Variants in HSPA12A observed in about 807,000 individuals in gnomAD.
HSPA12A encodes heat shock 70 kDa protein 12A.
In HSPA12A, 28 loss-of-function variants were observed where a neutral mutation model predicts 69.2. The ratio of observed to expected loss-of-function variants is 0.40; its 90% CI spans 0.30 to 0.55. The LOEUF (loss-of-function observed/expected upper bound fraction) is 0.55. Ranked by LOEUF, HSPA12A falls within the 20% of genes least tolerant of loss-of-function variation. HSPA12A has a pLI of 0.38. For synonymous variants in HSPA12A, 345 were observed against 370.5 expected (o/e 0.93, Z 0.79); for missense variants, 686 against 900.7 (o/e 0.76, Z 3.05).
upstream of HSPA12A, among the ~76,000 whole-genome samples, chr10:116,745,889 T>G (rs1215610266): frequency 4.6e-5 from 7 of 152,156 alleles, no homozygotes; most frequent in East Asian, 1.4e-3. Flanking sequence ...ATGACCAAAC[T>G]GAGATACAGA....
chr10:116,753,965 C>T (rs115188050), intron 2 of HSPA12A, among the ~76,000 whole-genome samples: 2,347 of 152,314 alleles, frequency 0.015, 67 homozygotes, highest in African/African-American at 0.054. Context: ...ACTCAGCTAC[C>T]TCATTTCAGC....
At chr10:116,849,685 T>C (rs1845998422) in exon 1 of HSPA12A, 2 of 1,548,350 alleles carry the variant, frequency 1.3e-6, no homozygotes, top group Non-Finnish European at 8.7e-7. Context: ...GAAGAGCTGC[T>C]CAACTCCACC....
rs1159669465 is a variant in HSPA12A, at chr10:116,731,021, C to T, written c.40+11409G>A. 3.3e-5 allele frequency among the ~76,000 whole-genome samples: 5 copies of T among 152,322 alleles called. No individual in the cohort carries two copies. The East Asian group carries it at 9.7e-4, about 30-fold the overall frequency. On this transcript the variant is annotated intron_variant, in intron 1 of 11. Transcript: ENST00000369209. ...CGTGGGCCAGCTTCTCTGCGCAGCC[C>T]GTTCCCATGGTCTGTCCCAGGGTCC... is the stretch of plus-strand genomic sequence containing the variant.
At chr10:116,715,679 G>C (rs1850581418) in intron 1 of HSPA12A, among the ~76,000 whole-genome samples, 1 of 152,190 alleles carries the variant, frequency 6.6e-6, no homozygotes, top group Admixed American at 6.5e-5. Flanking sequence ...AAATAATTGT[G>C]ATTTGAATGT....
At chr10:116,697,601 G>C (rs1554881025) in intron 5 of HSPA12A, among the ~76,000 whole-genome samples, 1 of 152,192 alleles carries the variant, frequency 6.6e-6, no homozygotes, top group African/African-American at 2.4e-5. Flanking sequence ...CTCCAGTTAG[G>C]AAAGTGGATC....
At chr10:116,759,995 C>T (rs554756365) in intron 2 of HSPA12A, among the ~76,000 whole-genome samples, 1 of 152,282 alleles carries the variant, frequency 6.6e-6, no homozygotes, top group South Asian at 2.1e-4. Flanking sequence ...ACTATGAACC[C>T]ATTAAACCTC....
At chr10:116,801,562 A>G (rs1450616772) in intron 2 of HSPA12A, among the ~76,000 whole-genome samples, 17 of 152,164 alleles carry the variant, frequency 1.1e-4, no homozygotes, top group Admixed American at 1.1e-3. Context: ...CTTGCACTGG[A>G]TCTAAATTCA....
intron 2 of HSPA12A, among the ~76,000 whole-genome samples, chr10:116,818,635 T>C (rs1845352509): frequency 6.6e-6 from 1 of 152,132 alleles, no homozygotes; most frequent in African/African-American, 2.4e-5. Flanking sequence ...CATCTCCATG[T>C]GCTGTCCCCA....
chr10:116,802,898 CTG>C (rs1844988643), intron 2 of HSPA12A, among the ~76,000 whole-genome samples: 1 of 152,250 alleles, frequency 6.6e-6, no homozygotes, highest in Admixed American at 6.5e-5. Flanking sequence ...TCAGCCAGAT[CTG>C]TGTCTCTTCT....
intron 2 of HSPA12A, among the ~76,000 whole-genome samples, chr10:116,826,169 G>T (rs934366993): frequency 2.6e-5 from 4 of 152,014 alleles, no homozygotes; most frequent in Non-Finnish European, 5.9e-5. Context: ...TCCCAGGGAA[G>T]CCTCCCCCGC....
chr10:116,845,097 G>A (rs1845858207), intron 1 of HSPA12A, among the ~76,000 whole-genome samples: 2 of 152,118 alleles, frequency 1.3e-5, no homozygotes, highest in Non-Finnish European at 2.9e-5. Context: ...CAGGAAGCCC[G>A]TGGACTCTGT....
At chr10:116,746,156 C>T (rs1277427527), upstream of HSPA12A, among the ~76,000 whole-genome samples, 1 of 152,186 alleles carries the variant, frequency 6.6e-6, no homozygotes, top group African/African-American at 2.4e-5. Flanking sequence ...CAGCCCCACA[C>T]ACGCTTCCCT....
intron 1 of HSPA12A, among the ~76,000 whole-genome samples, chr10:116,836,884 A>T (rs1482404684): frequency 6.6e-6 from 1 of 152,048 alleles, no homozygotes; most frequent in Non-Finnish European, 1.5e-5. Context: ...TTCTTCTCTG[A>T]GAGGCCATGA....
intron 2 of HSPA12A, among the ~76,000 whole-genome samples, chr10:116,773,307 A>G (rs1391046198): frequency 2.6e-5 from 4 of 152,064 alleles, no homozygotes; most frequent in East Asian, 3.9e-4. Context: ...AGTACATGGT[A>G]GCACAGAAGA....
rs546736494 is a variant in HSPA12A at position 116,814,765 on chromosome 10, C to T, written c.91+20170G>A. On this transcript the variant is annotated intron_variant, in intron 2 of 12. Coordinates refer to the HSPA12A transcript ENST00000635765. ...TGGGAATGAGTACCACGGACCATTGCGAGATTGGGATCATCTTTCACCACC... is the reference window on the plus strand; with the variant it reads ...TGGGAATGAGTACCACGGACCATTGTGAGATTGGGATCATCTTTCACCACC... Among the ~76,000 whole-genome samples the T allele has an allele frequency of 5.5e-4, 84 of 152,292 alleles. 3 individuals are homozygous for T. In the South Asian group the frequency reaches 0.016, roughly 30 times the overall value.
chr10:116,786,124 G>A (rs879155577), intron 2 of HSPA12A, among the ~76,000 whole-genome samples: 2 of 152,184 alleles, frequency 1.3e-5, no homozygotes, highest in East Asian at 1.9e-4. Flanking sequence ...GGGTAATTAC[G>A]CAGGAGATGG....
chr10:116,813,309 G>A (rs902162053), intron 2 of HSPA12A, among the ~76,000 whole-genome samples: 10 of 139,758 alleles, frequency 7.2e-5, no homozygotes, highest in African/African-American at 2.7e-4. Context: ...GCAGTGGCGC[G>A]ATCTCGGCTC....
chr10:116,719,166 T>C (rs1159843782), intron 1 of HSPA12A, among the ~76,000 whole-genome samples: 3 of 152,214 alleles, frequency 2.0e-5, no homozygotes, highest in African/African-American at 7.2e-5. Context: ...TCCTGATAAC[T>C]TGGGGTAGAT....
intron 2 of HSPA12A, among the ~76,000 whole-genome samples, chr10:116,802,287 C>T (rs1174808339): frequency 4.6e-5 from 7 of 152,190 alleles, no homozygotes; most frequent in Non-Finnish European, 1.0e-4. Context: ...CCTGTGCACT[C>T]ACCATAAGGA....
Sources: gnomAD v4.1 joint callset for allele counts (sites outside exome capture counted in the v4.1 genomes callset) on GRCh38, gnomAD v4.1.1 for gene constraint, MANE v1.5 for transcripts, NCBI Gene and HGNC (gene_info 2026-07-23, HGNC 2026-07-21) for gene names.